ZSCAN18: variants seen among roughly 807,000 people sequenced by gnomAD.
ZSCAN18 encodes zinc finger and SCAN domain-containing protein 18.
ZSCAN18 carries 16 observed loss-of-function variants against 31.1 expected under a neutral mutation model. The observed-to-expected ratio is 0.51, with a 90% CI of 0.35 to 0.78. The LOEUF (loss-of-function observed/expected upper bound fraction) is 0.78, where lower values mean the gene tolerates loss of function less well. Ranked by LOEUF, ZSCAN18 falls within the 30% of genes least tolerant of loss-of-function variation. ZSCAN18 has a pLI of 0.01. For missense variants in ZSCAN18, 731 were observed against 697.4 expected (o/e 1.05, Z -0.54); for synonymous variants, 375 against 320.7 (o/e 1.17, Z -1.81).
intron 3 of ZSCAN18, 37 bp from the exon 4 acceptor site, chr19:58,087,441 T>TCCC (rs750858873): frequency 6.4e-7 from 1 of 1,563,284 alleles, no homozygotes; most frequent in South Asian, 1.2e-5. Context: ...GGCAATGAGC[T>TCCC]CCCTGTGGCC....
intron 1 of ZSCAN18, chr19:58,107,619 G>T (rs2074645122): frequency 7.2e-6 from 7 of 973,684 alleles, no homozygotes; most frequent in Non-Finnish European, 8.5e-6. Context: ...TGTCATCCAG[G>T]ATTTTTTCTT....
intron 1 of ZSCAN18, among the ~76,000 whole-genome samples, chr19:58,103,857 A>G (rs1600004198): frequency 6.6e-6 from 1 of 152,208 alleles, no homozygotes; most frequent in African/African-American, 2.4e-5. Context: ...TGTGATGGCC[A>G]AGAGAAAAAC....
chr19:58,085,421 G>T (rs765735632), intron 6 of ZSCAN18, 42 bp from the exon 7 acceptor site: 1 of 1,497,924 alleles, frequency 6.7e-7, no homozygotes. Flanking sequence ...CCCCGCCCAG[G>T]GCCAGGGAGA....
intron 1 of ZSCAN18, among the ~76,000 whole-genome samples, chr19:58,109,994 C>A (rs575402721): frequency 6.6e-6 from 1 of 152,278 alleles, no homozygotes; most frequent in South Asian, 2.1e-4. Flanking sequence ...CCCACCTCAG[C>A]TTCCTGAGTA....
upstream of ZSCAN18, among the ~76,000 whole-genome samples, chr19:58,099,130 A>G (rs2074571000): frequency 2.5e-5 from 3 of 120,240 alleles, no homozygotes; most frequent in South Asian, 5.7e-4. Flanking sequence ...AACAGTTTAT[A>G]TATTTTAAAT....
intron 1 of ZSCAN18, among the ~76,000 whole-genome samples, chr19:58,093,888 C>T (rs1402979242): frequency 1.3e-5 from 2 of 152,042 alleles, no homozygotes; most frequent in Non-Finnish European, 2.9e-5. Flanking sequence ...CCCTCAGCCT[C>T]CCGAGTCACT....
intron 2 of ZSCAN18, among the ~76,000 whole-genome samples, chr19:58,089,250 C>T (rs2074354239): frequency 8.1e-6 from 1 of 122,932 alleles, no homozygotes; most frequent in Admixed American, 1.0e-4. Context: ...TTGCAGTGAG[C>T]CGAGATCCCG....
At chr19:58,086,017 T>C in intron 6 of ZSCAN18, 157 bp downstream of exon 6, 1 of 645,124 alleles carries the variant, frequency 1.6e-6, no homozygotes, top group Non-Finnish European at 2.8e-6. Flanking sequence ...TGGACGTAAC[T>C]GGATTCCTGC....
rs2074262039 is a variant in ZSCAN18 at position 58,085,583 on chromosome 19, C to G, written c.839-204G>C. 7.4e-6 allele frequency: 4 copies of G among 542,044 alleles called. No individual in the cohort carries two copies. In the South Asian group the frequency reaches 1.0e-4, roughly 14 times the overall value. The allele number at this position is 542,044 out of a possible 1,614,324, so 33.6% of individuals were successfully genotyped here. A position where few individuals can be genotyped will look rare whatever the true frequency, so the allele number is the denominator to read the frequency against. On this transcript the variant is annotated intron_variant, in intron 6 of 6. Transcript: ENST00000601144. ...GCGCCTGCTGCTGCAGATGTGGGAC[C>G]TGGAGGCCTCCAACAACGGAGGCCA...
At position 58,098,172 on chromosome 19, in the gene ZSCAN18, A is replaced by C; in HGVS notation, c.-120+2T>G. On this transcript the variant is annotated splice_donor_variant, in intron 1 of 6. Transcript: ENST00000601144. LOFTEE classifies it low-confidence loss of function (5UTR_SPLICE). The stretch of plus-strand genomic sequence containing the variant: ...CGCGCTGCATCCCCGGGACCGACCC[A>C]CCTGCTGCGCAGCTACCCCAGGCCG... 2 of 985,492 alleles carry C rather than the reference A, an allele frequency of 2.0e-6. No homozygotes were observed. The highest frequency in any genetic ancestry group is 2.4e-6 in the Non-Finnish European group (2 of 830,010). 61.0% of individuals were successfully genotyped at this position (985,492 alleles called of 1,614,324 possible).
intron 1 of ZSCAN18, among the ~76,000 whole-genome samples, chr19:58,104,505 C>A (rs1161942796): frequency 6.6e-6 from 1 of 151,922 alleles, no homozygotes; most frequent in Non-Finnish European, 1.5e-5. Context: ...TTGAGAACAG[C>A]TTGGTCAACG....
chr19:58,094,940 C>T (rs1312559355), intron 1 of ZSCAN18, among the ~76,000 whole-genome samples: 1 of 151,270 alleles, frequency 6.6e-6, no homozygotes, highest in African/African-American at 2.4e-5. Context: ...ACCTGTGGTC[C>T]CAGCTACATG....
At chr19:58,113,054 G>A (rs534934576) in intron 1 of ZSCAN18, among the ~76,000 whole-genome samples, 3 of 151,668 alleles carry the variant, frequency 2.0e-5, no homozygotes, top group African/African-American at 4.8e-5. Context: ...AGTGGCTCAC[G>A]TCTGTAATTC....
At chr19:58,117,607 C>T (rs1001452870) in intron 1 of ZSCAN18, among the ~76,000 whole-genome samples, 2 of 151,626 alleles carry the variant, frequency 1.3e-5, no homozygotes, top group African/African-American at 4.9e-5. Flanking sequence ...ATAGGTTGTT[C>T]AAGCCCAAAT....
intron 1 of ZSCAN18, among the ~76,000 whole-genome samples, chr19:58,094,151 C>T (rs1362141362): frequency 6.6e-6 from 1 of 151,768 alleles, no homozygotes; most frequent in Non-Finnish European, 1.5e-5. Context: ...TACATCCTCT[C>T]CTTTAGGAGG....
At position 58,085,967 on chromosome 19, in the gene ZSCAN18, G is replaced by A. The variant is rs987082795; in HGVS notation, c.838+207C>T. 30 of 562,588 alleles carry A rather than the reference G, an allele frequency of 5.3e-5. No individual in the cohort carries two copies. In the African/African-American group the frequency reaches 5.5e-4, roughly 10 times the overall value. The allele number at this position is 562,588 out of a possible 1,614,324, so 34.8% of individuals were successfully genotyped here. Reference sequence around the variant, plus strand: ...AACTAACACCACTGCCGTTTCCACCGACCAAGTCTTGGGGTGGTCTGTCAT... The same window carrying A: ...AACTAACACCACTGCCGTTTCCACCAACCAAGTCTTGGGGTGGTCTGTCAT... On this transcript the variant is annotated intron_variant, in intron 6 of 6. Coordinates refer to ENST00000601144, the MANE Select transcript of ZSCAN18 (RefSeq NM_001145543.2).
upstream of ZSCAN18, among the ~76,000 whole-genome samples, chr19:58,099,964 G>GTTTTTTTT (rs55769261): frequency 2.9e-4 from 39 of 136,098 alleles, 4 homozygotes; most frequent in South Asian, 7.0e-4. Context: ...TGAAAGCTAT[G>GTTTTTTTT]TTTTTTTTTT....
At chr19:58,088,409 C>A (rs1240165694) in intron 3 of ZSCAN18, 4 of 361,286 alleles carry the variant, frequency 1.1e-5, no homozygotes, top group East Asian at 4.8e-5. Context: ...CCTTTATTTT[C>A]AGAGGGTTCA....
upstream of ZSCAN18, chr19:58,098,312 G>A: frequency 8.1e-6 from 8 of 985,488 alleles, no homozygotes; most frequent in Non-Finnish European, 9.6e-6. Context: ...CCGCGCACCG[G>A]GGCGAGCAAG....
Sources: gnomAD v4.1 joint callset for allele counts (sites outside exome capture counted in the v4.1 genomes callset) on GRCh38, gnomAD v4.1.1 for gene constraint, MANE v1.5 for transcripts, NCBI Gene and HGNC (gene_info 2026-07-23, HGNC 2026-07-21) for gene names.